The following CNTNAP2 variants were observed in gnomAD, a reference collection of about 807,000 sequenced individuals.
CNTNAP2 encodes the protein contactin associated protein 2, also known as contactin-associated protein-like 2.
In CNTNAP2, 98 loss-of-function variants were observed where a neutral mutation model predicts 155.2. The observed-to-expected ratio is 0.63, with a 90% confidence interval of 0.54 to 0.75. The LOEUF is 0.75. CNTNAP2 is among the 30% of genes least tolerant of loss of function. The pLI, the probability that CNTNAP2 is intolerant of heterozygous loss-of-function variation, is 0.00. For synonymous variants in CNTNAP2, 651 were observed against 631.2 expected (o/e 1.03, Z -0.47); for missense variants, 1,727 against 1,688.1 (o/e 1.02, Z -0.40).
chr7:148,248,647 A>G (rs922188634), intron 20 of CNTNAP2, among the ~76,000 whole-genome samples: 1 of 152,056 alleles, frequency 6.6e-6, no homozygotes, highest in African/African-American at 2.4e-5. Flanking sequence ...GCATTTATTC[A>G]TTCACCTCTT....
intron 13 of CNTNAP2, among the ~76,000 whole-genome samples, chr7:147,664,920 G>A (rs1380170668): frequency 2.0e-5 from 3 of 152,264 alleles, no homozygotes; most frequent in South Asian, 2.1e-4. Flanking sequence ...CATACAGTAC[G>A]TGCCAGGTGG....
intron 2 of CNTNAP2, among the ~76,000 whole-genome samples, chr7:146,821,857 C>G (rs550424305): frequency 6.6e-6 from 1 of 151,322 alleles, no homozygotes; most frequent in East Asian, 1.9e-4. Context: ...AATAGGAACA[C>G]TTTTACACTG....
At chr7:147,508,317 G>A (rs2116683765) in intron 11 of CNTNAP2, among the ~76,000 whole-genome samples, 1 of 151,990 alleles carries the variant, frequency 6.6e-6, no homozygotes, top group Non-Finnish European at 1.5e-5. Context: ...TCCTATAAAG[G>A]AAAAACGGTC....
chr7:147,366,721 A>T (rs964062911), intron 9 of CNTNAP2, among the ~76,000 whole-genome samples: 2 of 152,030 alleles, frequency 1.3e-5, no homozygotes, highest in Non-Finnish European at 2.9e-5. Flanking sequence ...TTTGATATCC[A>T]CAATCAAGTT....
chr7:147,432,420 G>C (rs1220268719), intron 10 of CNTNAP2, among the ~76,000 whole-genome samples: 1 of 152,166 alleles, frequency 6.6e-6, no homozygotes, highest in Non-Finnish European at 1.5e-5. Context: ...AAATCATGCT[G>C]AAGTTTTCTA....
chr7:148,283,256 A>G (rs865938235), intron 21 of CNTNAP2, among the ~76,000 whole-genome samples: 2,524 of 21,296 alleles, frequency 0.12, 178 homozygotes, highest in Admixed American at 0.14. Context: ...AAAAAAAAAA[A>G]AAGAAAGAAA....
intron 3 of CNTNAP2, among the ~76,000 whole-genome samples, chr7:146,924,539 C>A (rs1796567132): frequency 6.6e-6 from 1 of 152,040 alleles, no homozygotes; most frequent in Non-Finnish European, 1.5e-5. Flanking sequence ...GCAGAGGAGA[C>A]TTCTTGGTGA....
chr7:146,562,023 C>T (rs1268882043), intron 1 of CNTNAP2, among the ~76,000 whole-genome samples: 2 of 152,082 alleles, frequency 1.3e-5, no homozygotes, highest in Non-Finnish European at 2.9e-5. Flanking sequence ...TTCCTGGGCT[C>T]AAGCAATCCT....
At chr7:146,528,523 A>G (rs1797723107) in intron 1 of CNTNAP2, among the ~76,000 whole-genome samples, 4 of 152,216 alleles carry the variant, frequency 2.6e-5, no homozygotes, top group Admixed American at 2.0e-4. Flanking sequence ...AATATTAAGA[A>G]CAAATAATGA....
chr7:146,957,658 T>A (rs1392687995), intron 3 of CNTNAP2, among the ~76,000 whole-genome samples: 2 of 152,178 alleles, frequency 1.3e-5, no homozygotes, highest in Non-Finnish European at 2.9e-5. Flanking sequence ...AGTGAAATAC[T>A]GAGAGCCTTT....
At chr7:146,954,171 A>C (rs1390203250) in intron 3 of CNTNAP2, among the ~76,000 whole-genome samples, 1 of 151,902 alleles carries the variant, frequency 6.6e-6, no homozygotes, top group Non-Finnish European at 1.5e-5. Flanking sequence ...AAATCGTGTT[A>C]ACTTATAATC....
Position 146,905,470 on chromosome 7 carries a change from TC to T in CNTNAP2, c.402+65568del, listed in dbSNP as rs1409572181. 4.6e-5 allele frequency among the ~76,000 whole-genome samples: 7 copies of T among 152,256 alleles called. No individual in the cohort carries two copies. The South Asian group carries it at 1.0e-3, about 23-fold the overall frequency. ...CCCTTTCATCCTCTTACGAGTTGGT[TC>T]CAGCAGAAGTTTGGAGTAAAATTCT... On this transcript the variant is annotated intron_variant, in intron 3 of 23. Transcript: ENST00000361727.
At chr7:148,000,472 A>T (rs1334670407) in intron 15 of CNTNAP2, among the ~76,000 whole-genome samples, 1 of 152,210 alleles carries the variant, frequency 6.6e-6, no homozygotes, top group African/African-American at 2.4e-5. Context: ...GCAAGTATAT[A>T]GTCCATGAAG....
Position 148,172,447 on chromosome 7 carries a change from T to C in CNTNAP2, c.2979T>C (p.Asn993=). ...RYHGYSCDCS[N]TAYDGTFCNK... ...ACGGTTACTCCTGCGATTGCTCTAA[T>C]ACTGCATATGATGGAACATTTTGCA... Residue 993 remains asparagine (N), a synonymous_variant, in exon 18 of 24, where the codon AAT becomes AAC. Transcript: ENST00000361727. 1 of 1,614,222 alleles carries C rather than the reference T, an allele frequency of 6.2e-7. No homozygotes were observed. The highest frequency in any genetic ancestry group is 8.5e-7 in the Non-Finnish European group (1 of 1,180,036).
At chr7:147,053,803 G>A (rs148297011) in intron 4 of CNTNAP2, among the ~76,000 whole-genome samples, 1 of 152,082 alleles carries the variant, frequency 6.6e-6, no homozygotes, top group East Asian at 1.9e-4. Context: ...TTGGTGCCTG[G>A]TTAAAGAGAA....
chr7:147,651,292 A>G (rs1795446498), intron 13 of CNTNAP2, among the ~76,000 whole-genome samples: 1 of 152,216 alleles, frequency 6.6e-6, no homozygotes, highest in Non-Finnish European at 1.5e-5. Flanking sequence ...TCTCAGCTCT[A>G]TTCTTAAGGC....
chr7:148,059,754 T>G (rs1160651155), intron 15 of CNTNAP2, among the ~76,000 whole-genome samples: 1 of 148,786 alleles, frequency 6.7e-6, no homozygotes, highest in Non-Finnish European at 1.5e-5. Context: ...ATACATATAT[T>G]TATATTTAAA....
intron 21 of CNTNAP2, among the ~76,000 whole-genome samples, chr7:148,294,425 T>C (rs892638625): frequency 1.1e-4 from 16 of 152,262 alleles, no homozygotes; most frequent in African/African-American, 3.4e-4. Flanking sequence ...TTTCTAGTTA[T>C]CAGTTTTGGA....
At chr7:147,540,981 A>G (rs2116743476) in intron 11 of CNTNAP2, among the ~76,000 whole-genome samples, 1 of 152,368 alleles carries the variant, frequency 6.6e-6, no homozygotes, top group South Asian at 2.1e-4. Flanking sequence ...TAATATGATG[A>G]AGGAGGCAGA....
Sources: gnomAD v4.1 joint callset for allele counts (sites outside exome capture counted in the v4.1 genomes callset) on GRCh38, gnomAD v4.1.1 for gene constraint, MANE v1.5 for transcripts, NCBI Gene and HGNC (gene_info 2026-07-23, HGNC 2026-07-21) for gene names.